The following TBCD variants were observed in gnomAD, a reference collection of about 807,000 sequenced individuals.
The protein encoded by TBCD is tubulin folding cofactor D, also known as tubulin-specific chaperone D.
In TBCD, 105 loss-of-function variants were observed where a neutral mutation model predicts 169.3. That is an observed-to-expected ratio of 0.62 (90% CI 0.53 to 0.73). The LOEUF is 0.73. Among genes scored for constraint, TBCD ranks in the 30% least tolerant of loss-of-function variants. The pLI is 0.00. For synonymous variants in TBCD, 700 were observed against 643.9 expected (o/e 1.09, Z -1.32); for missense variants, 1,444 against 1,600.1 (o/e 0.90, Z 1.66).
In TBCD at chr17:82,928,233, C is replaced by T. The variant is rs534542107; in HGVS notation, c.2693+245C>T. 9.8e-5 allele frequency among the ~76,000 whole-genome samples: 15 copies of T among 152,306 alleles called. 1 individual carries two copies. The South Asian group carries it at 3.1e-3, about 32-fold the overall frequency. ...TGCCCCCAGGACGAGGCTCTGCTCC[C>T]CAGCCTGGGCCTCCAACGGTGCTCT... On this transcript the variant is annotated intron_variant, in intron 30 of 38. Coordinates refer to ENST00000355528, the MANE Select transcript of TBCD (RefSeq NM_005993.5).
At chr17:82,937,402 C>G in intron 35 of TBCD, 42 bp downstream of exon 35, 2 of 1,581,656 alleles carry the variant, frequency 1.3e-6, no homozygotes, top group African/African-American at 1.3e-5. Context: ...AATGGCAGGG[C>G]GCAGCCTCCC....
At chr17:82,772,603 C>A in intron 6 of TBCD, 96 bp downstream of exon 6, 2 of 1,301,812 alleles carry the variant, frequency 1.5e-6, no homozygotes, top group Non-Finnish European at 1.1e-6. Context: ...AGTCCTCAGA[C>A]GAAGGACCCC....
At chr17:82,906,499 T>C (rs2060259929) in intron 20 of TBCD, among the ~76,000 whole-genome samples, 3 of 152,228 alleles carry the variant, frequency 2.0e-5, no homozygotes, top group Admixed American at 2.0e-4. Flanking sequence ...ATTTTTCAGT[T>C]GGCTATGTTT....
intron 6 of TBCD, among the ~76,000 whole-genome samples, chr17:82,778,708 C>T (rs928549704): frequency 7.9e-5 from 11 of 139,832 alleles, no homozygotes; most frequent in Admixed American, 1.5e-4. Flanking sequence ...TTTGGCTCTA[C>T]TGGAGTGCAA....
At chr17:82,811,268 C>T (rs933378966) in intron 12 of TBCD, among the ~76,000 whole-genome samples, 1 of 152,230 alleles carries the variant, frequency 6.6e-6, no homozygotes, top group African/African-American at 2.4e-5. Flanking sequence ...CTCTCTCCTC[C>T]AGCCGCTGGG....
intron 13 of TBCD, among the ~76,000 whole-genome samples, chr17:82,828,851 CT>C (rs1454558003): frequency 6.7e-6 from 1 of 150,282 alleles, no homozygotes; most frequent in African/African-American, 2.5e-5. Flanking sequence ...GTGTACACCC[CT>C]CCCACATATG....
rs147044191 is a variant in TBCD at position 82,796,631 on chromosome 17, C to G, written c.772-1126C>G. On this transcript the variant is annotated intron_variant, in intron 7 of 38. Coordinates refer to ENST00000355528, the MANE Select transcript of TBCD (RefSeq NM_005993.5). ...TGACTGGTGGTCTGTCTGGCTGTCT[C>G]CTTCCTGTTTTGATCGTAGGTGTGG... Among the ~76,000 whole-genome samples the G allele has an allele frequency of 9.2e-5, 14 of 152,276 alleles. No homozygotes were observed. In the East Asian group the frequency reaches 2.5e-3, roughly 27 times the overall value.
At chr17:82,814,286 T>C (rs117820169) in intron 12 of TBCD, among the ~76,000 whole-genome samples, 18 of 152,334 alleles carry the variant, frequency 1.2e-4, no homozygotes, top group Non-Finnish European at 2.2e-4. Flanking sequence ...GTTCCTACTT[T>C]TCTGAAGTGT....
chr17:82,836,104 C>G (rs1216097504), intron 13 of TBCD, among the ~76,000 whole-genome samples: 1 of 152,208 alleles, frequency 6.6e-6, no homozygotes, highest in African/African-American at 2.4e-5. Flanking sequence ...GAAGAAAGAA[C>G]GTGAAATAAT....
rs1388804638 is a variant in TBCD, at chr17:82,944,546, A to ACCTC, written c.*2084_*2087dup. On this transcript the variant is annotated 3_prime_UTR_variant, in exon 39 of 39. Coordinates refer to ENST00000355528, the MANE Select transcript of TBCD (RefSeq NM_005993.5). ...TTGACTCCGAGAAGGTGTTCAGAAA[A>ACCTC]CCTCTCTGAAGGGGCAGCATTTGGG... The ACCTC allele has an allele frequency of 6.6e-6, 1 of 152,070 alleles. No individual in the cohort carries two copies. The highest frequency in any genetic ancestry group is 1.5e-5 in the Non-Finnish European group (1 of 68,042). 9.4% of individuals were successfully genotyped at this position (152,070 alleles called of 1,614,324 possible).
chr17:82,822,119 A>G (rs2052465149), intron 13 of TBCD, among the ~76,000 whole-genome samples: 1 of 152,220 alleles, frequency 6.6e-6, no homozygotes. Context: ...GGCTTCCAAA[A>G]GAAACTGTCA....
intron 13 of TBCD, among the ~76,000 whole-genome samples, chr17:82,863,110 G>A (rs2056902348): frequency 6.6e-6 from 1 of 152,190 alleles, no homozygotes; most frequent in African/African-American, 2.4e-5. Flanking sequence ...TCTTTGTGTT[G>A]CTTTCCAGTA....
intron 24 of TBCD, chr17:82,921,119 A>G: frequency 3.6e-6 from 1 of 276,560 alleles, no homozygotes; most frequent in Non-Finnish European, 6.8e-6. Flanking sequence ...TTGTTAATTG[A>G]ATAGCCTTCA....
chr17:82,887,176 C>CGCG lies in TBCD; in HGVS notation c.1534-2491_1534-2489dup, dbSNP rs2058809011. Among the ~76,000 whole-genome samples the CGCG allele has an allele frequency of 1.5e-4, 10 of 67,644 alleles. No homozygotes were observed. The South Asian group carries it at 4.6e-3, about 31-fold the overall frequency. The allele number at this position is 67,644 out of a possible 152,430, so 44.4% of individuals were successfully genotyped here. ...GTGTGTGTGTGTGTGTGTGCGCGCG[C>CGCG]GCGCACGTGCGCTCACGCGTTTACT... On this transcript the variant is annotated intron_variant, in intron 15 of 38. Transcript: ENST00000355528.
rs775923046 is a variant in TBCD at position 82,915,780 on chromosome 17, C to T, written c.2038+3991C>T. On this transcript the variant is annotated intron_variant, in intron 23 of 38. Transcript: ENST00000355528. The surrounding 1 kb of genome is among the most constrained non-coding windows in gnomAD (Gnocchi z 4.3). ...AAAAGTTCTCCTCTCATGCCGAAGA[C>T]GGGAGGGAAACCAGAGGGACTGGTG... Among the ~76,000 whole-genome samples the T allele has an allele frequency of 2.6e-5, 4 of 152,228 alleles. No individual in the cohort carries two copies. The highest frequency in any genetic ancestry group is 2.1e-4 in the South Asian group (1 of 4,822).
chr17:82,921,842 ACTTTTTCTGCATCAATAGTAACTGTG>A (rs2061437168), intron 25 of TBCD, among the ~76,000 whole-genome samples: 1 of 152,216 alleles, frequency 6.6e-6, no homozygotes, highest in Non-Finnish European at 1.5e-5. Context: ...CCTTTGAAAT[ACTTTTTCTGCATCAATAGTAACTGTG>A]CTCTGTTGAG....
chr17:82,871,849 A>C lies in TBCD; in HGVS notation c.1475+1469A>C, dbSNP rs1020170478. ...TTTTGGACGTCCTGGGTGCGCCTCC[A>C]CTGTGGCTCCTGGGTTCCCTCACGC... is the stretch of plus-strand genomic sequence containing the variant. On this transcript the variant is annotated intron_variant, in intron 14 of 38. Coordinates refer to ENST00000355528, the MANE Select transcript of TBCD (RefSeq NM_005993.5). 2.6e-5 allele frequency among the ~76,000 whole-genome samples: 4 copies of C among 152,018 alleles called. No individual in the cohort carries two copies. In the South Asian group the frequency reaches 6.2e-4, roughly 24 times the overall value.
At chr17:82,775,906 A>G (rs2048568570) in intron 6 of TBCD, among the ~76,000 whole-genome samples, 3 of 152,166 alleles carry the variant, frequency 2.0e-5, no homozygotes, top group Non-Finnish European at 2.9e-5. Flanking sequence ...AAAAAATTAA[A>G]AAAAAACCCC....
chr17:82,900,166 C>G (rs1477571959), intron 17 of TBCD, among the ~76,000 whole-genome samples: 5 of 152,240 alleles, frequency 3.3e-5, no homozygotes, highest in Admixed American at 1.3e-4. Context: ...CTGGAGCCCC[C>G]CCATGTCTGC....
Sources: allele counts gnomAD v4.1 joint callset (sites outside exome capture counted in the v4.1 genomes callset), GRCh38; gene constraint gnomAD v4.1.1; non-coding constraint Gnocchi (gnomAD v3.1); transcripts MANE v1.5; gene names NCBI Gene and HGNC (gene_info 2026-07-23, HGNC 2026-07-21).